MME: variants seen among roughly 807,000 people sequenced by gnomAD.
MME encodes the protein membrane metalloendopeptidase.
A neutral mutation model predicts 113.2 loss-of-function variants in MME; 98 were observed. The observed-to-expected ratio is 0.87, with a 90% CI of 0.74 to 1.02. MME has a LOEUF of 1.02. Among genes scored for constraint, MME ranks in the 50% least tolerant of loss-of-function variants. MME has a pLI of 0.00. For missense variants in MME, 836 were observed against 896.0 expected (o/e 0.93, Z 0.86); for synonymous variants, 292 against 300.6 (o/e 0.97, Z 0.30).
chr3:155,160,327 G>C lies in MME; in HGVS notation c.1602-63G>C. 5.6e-6 allele frequency: 6 copies of C among 1,063,116 alleles called. No individual in the cohort carries two copies. In the South Asian group the frequency reaches 6.3e-5, roughly 11 times the overall value. 65.9% of individuals were successfully genotyped at this position (1,063,116 alleles called of 1,614,324 possible). ...TAGGAATGGTAATAATGCTTTAATT[G>C]TGTGAGTGGGTTGAATCAGATAATG... On this transcript the variant is annotated intron_variant, in intron 16 of 22. Coordinates refer to ENST00000360490, the MANE Select transcript of MME (RefSeq NM_007289.4).
At chr3:155,027,510 T>A (rs1324699212) in intron 1 of MME, among the ~76,000 whole-genome samples, 1 of 152,218 alleles carries the variant, frequency 6.6e-6, no homozygotes, top group Non-Finnish European at 1.5e-5. Flanking sequence ...ACATACAGAG[T>A]GCCAGGGCCC....
intron 1 of MME, among the ~76,000 whole-genome samples, chr3:155,042,900 TTATATATATATA>T (rs1159626877): frequency 3.2e-5 from 2 of 62,960 alleles, no homozygotes; most frequent in African/African-American, 5.6e-5. Context: ...ATAGTAGGTT[TTATATATATATA>T]TATATATATA....
At chr3:155,060,834 A>C (rs1015256761) in intron 1 of MME, among the ~76,000 whole-genome samples, 1 of 142,708 alleles carries the variant, frequency 7.0e-6, no homozygotes, top group Non-Finnish European at 1.6e-5. Context: ...AGAGGCAGAG[A>C]GAGAGAGAGA....
At position 155,141,210 on chromosome 3, in the gene MME, C is replaced by T. The variant is rs141466996; in HGVS notation, c.958-781C>T. 1.3e-3 allele frequency among the ~76,000 whole-genome samples: 193 copies of T among 152,254 alleles called. 2 individuals are homozygous for T. Among genetic ancestry groups the T allele is most frequent in the African/African-American group, 4.2e-3 (174 of 41,568 alleles). ...AGGCATAAACTATTGAGTTAGACAT[C>T]TTACATAGAATTTTTTAATATAATA... is the stretch of plus-strand genomic sequence containing the variant. On this transcript the variant is annotated intron_variant, in intron 10 of 22. Coordinates refer to ENST00000360490, the MANE Select transcript of MME (RefSeq NM_007289.4).
chr3:155,055,169 G>A (rs2108130677), intron 1 of MME, among the ~76,000 whole-genome samples: 1 of 152,134 alleles, frequency 6.6e-6, no homozygotes, highest in South Asian at 2.1e-4. Flanking sequence ...GAACTCAACT[G>A]TAAAATGGAA....
chr3:155,111,099 T>C (rs9867821), intron 3 of MME, among the ~76,000 whole-genome samples: 26,582 of 152,090 alleles, frequency 0.17, 2,516 homozygotes, highest in African/African-American at 0.24. Flanking sequence ...GTACAAAACA[T>C]AAAAACAATT....
At chr3:155,160,214 G>GA (rs1315019945) in intron 16 of MME, among the ~76,000 whole-genome samples, 176 bp from the exon 17 acceptor site, 4 of 151,978 alleles carry the variant, frequency 2.6e-5, no homozygotes, top group African/African-American at 9.7e-5. Context: ...TGTTTTTCAA[G>GA]AAATAGAAAT....
intron 1 of MME, among the ~76,000 whole-genome samples, chr3:155,039,105 A>G (rs1713222860): frequency 6.6e-6 from 1 of 152,210 alleles, no homozygotes; most frequent in Admixed American, 6.5e-5. Context: ...ATGCAGAGAC[A>G]AATGAGGAAG....
chr3:155,030,515 G>A (rs1052682031), intron 1 of MME, among the ~76,000 whole-genome samples: 18 of 151,926 alleles, frequency 1.2e-4, no homozygotes, highest in Non-Finnish European at 1.9e-4. Flanking sequence ...AGATAGCTCC[G>A]AAAAGAAACA....
intron 8 of MME, among the ~76,000 whole-genome samples, chr3:155,119,691 G>A (rs1186721754): frequency 1.8e-4 from 27 of 151,210 alleles, no homozygotes; most frequent in African/African-American, 6.3e-4. Context: ...TCTTGCGATA[G>A]TTTACTGAGA....
At chr3:155,064,385 C>T (rs1272832158) in intron 1 of MME, among the ~76,000 whole-genome samples, 1 of 152,172 alleles carries the variant, frequency 6.6e-6, no homozygotes, top group Admixed American at 6.5e-5. Context: ...AATGAAGGCA[C>T]AAGAGAAGAC....
intron 1 of MME, among the ~76,000 whole-genome samples, chr3:155,073,441 C>A (rs1318742355): frequency 1.3e-5 from 2 of 152,216 alleles, no homozygotes; most frequent in African/African-American, 2.4e-5. Context: ...AGACACTAAT[C>A]AGTGCATGAA....
chr3:155,068,051 A>G (rs1218647721), intron 1 of MME, among the ~76,000 whole-genome samples: 4 of 152,246 alleles, frequency 2.6e-5, no homozygotes, highest in Non-Finnish European at 5.9e-5. Context: ...AAGGGAATTG[A>G]TAAACAAACT....
chr3:155,035,872 A>G (rs1410059756), intron 1 of MME, among the ~76,000 whole-genome samples: 1 of 152,172 alleles, frequency 6.6e-6, no homozygotes, highest in African/African-American at 2.4e-5. Flanking sequence ...TGAGCAGAGC[A>G]ATGACATGGA....
At chr3:155,058,730 G>A (rs1002676424) in intron 1 of MME, among the ~76,000 whole-genome samples, 1 of 152,112 alleles carries the variant, frequency 6.6e-6, no homozygotes, top group Non-Finnish European at 1.5e-5. Context: ...GGAAAGGATT[G>A]AAAACTAAAG....
At chr3:155,172,668 C>G (rs1210474805) in intron 22 of MME, 56 bp downstream of exon 22, 13 of 1,253,504 alleles carry the variant, frequency 1.0e-5, no homozygotes, top group Non-Finnish European at 1.3e-5. Flanking sequence ...ATTGCTTCCA[C>G]ATTTGGAATT....
intron 1 of MME, among the ~76,000 whole-genome samples, chr3:155,043,647 TC>T (rs960887420): frequency 5.3e-5 from 8 of 152,126 alleles, no homozygotes; most frequent in African/African-American, 1.9e-4. Context: ...AATCTATTTT[TC>T]TTCACCCATT....
intron 22 of MME, among the ~76,000 whole-genome samples, chr3:155,176,328 A>C (rs1327656121): frequency 6.6e-6 from 1 of 152,194 alleles, no homozygotes; most frequent in Non-Finnish European, 1.5e-5. Flanking sequence ...TATTTTACAT[A>C]ATAAAGTAAA....
At chr3:155,160,358 T>A in intron 16 of MME, 32 bp from the exon 17 acceptor site, 1 of 1,435,176 alleles carries the variant, frequency 7.0e-7, no homozygotes, top group Non-Finnish European at 9.8e-7. Context: ...TAATGCAGTA[T>A]CATTTGTAAA....
Sources: allele counts gnomAD v4.1 joint callset (sites outside exome capture counted in the v4.1 genomes callset), GRCh38; gene constraint gnomAD v4.1.1; transcripts MANE v1.5; gene names NCBI Gene and HGNC (gene_info 2026-07-23, HGNC 2026-07-21).